NPLOC4: variants seen among roughly 807,000 people sequenced by gnomAD.
NPLOC4 encodes nuclear protein localization protein 4 homolog.
In NPLOC4, 18 loss-of-function variants were observed where a neutral mutation model predicts 80.6. That is an observed-to-expected ratio of 0.22 (90% CI 0.15 to 0.33). The LOEUF is 0.33. NPLOC4 is among the 10% of genes least tolerant of loss of function. The pLI, the probability that NPLOC4 is intolerant of heterozygous loss-of-function variation, is 1.00. For missense variants in NPLOC4, 540 were observed against 786.1 expected (o/e 0.69, Z 3.74); for synonymous variants, 313 against 301.5 (o/e 1.04, Z -0.39).
In NPLOC4 at chr17:81,572,881, A is replaced by C. The variant is rs994387221; in HGVS notation, c.1282-793T>G. Among the ~76,000 whole-genome samples the C allele has an allele frequency of 3.3e-5, 5 of 152,246 alleles. No homozygotes were observed. Among genetic ancestry groups the C allele is most frequent in the African/African-American group, 4.8e-5 (2 of 41,460 alleles). ...CGAGTACTTGGACATTAATAAAATA[A>C]AGGCATGCACAAATGAGCGCACACA... On this transcript the variant is annotated intron_variant, in intron 12 of 16. Transcript: ENST00000331134. This position sits in a 1 kb window ranked among gnomAD's most constrained non-coding sequence, Gnocchi z 4.5.
chr17:81,587,250 G>A (rs925333490), intron 12 of NPLOC4, among the ~76,000 whole-genome samples: 2 of 152,200 alleles, frequency 1.3e-5, no homozygotes, highest in Non-Finnish European at 2.9e-5. Flanking sequence ...GAGGCGGGAG[G>A]ACTGCTCGAG....
In NPLOC4 at chr17:81,557,203, AGAG is replaced by A. The variant is rs2033667759; in HGVS notation, c.*2053_*2055del. On this transcript the variant is annotated 3_prime_UTR_variant, in exon 17 of 17. Transcript: ENST00000331134. Reference sequence around the variant, plus strand: ...GTGGGGCTGAGACCTCCTTCCCACAAGAGGAGGTGGCTGAGCCTCCCAGGGCCT... The same window carrying A: ...GTGGGGCTGAGACCTCCTTCCCACAAGAGGTGGCTGAGCCTCCCAGGGCCT... 1.3e-5 allele frequency: 2 copies of A among 152,376 alleles called. No homozygotes were observed. Among genetic ancestry groups the A allele is most frequent in the African/African-American group, 4.8e-5 (2 of 41,450 alleles). 9.4% of individuals were successfully genotyped at this position (152,376 alleles called of 1,614,324 possible). A position where few individuals can be genotyped will look rare whatever the true frequency, so the allele number is the denominator to read the frequency against.
At chr17:81,627,156 C>T (rs758151342) in intron 2 of NPLOC4, among the ~76,000 whole-genome samples, 14 of 151,318 alleles carry the variant, frequency 9.3e-5, no homozygotes, top group African/African-American at 2.4e-4. Flanking sequence ...ATTGGGAGGC[C>T]GAGGCAGGCG....
At chr17:81,601,966 T>C (rs978931310) in intron 8 of NPLOC4, among the ~76,000 whole-genome samples, 4 of 151,846 alleles carry the variant, frequency 2.6e-5, no homozygotes, top group African/African-American at 7.3e-5. Flanking sequence ...GTTATCTAAA[T>C]AGGAGGCTAG....
chr17:81,607,005 C>G (rs933368363), intron 6 of NPLOC4, among the ~76,000 whole-genome samples, 191 bp from the exon 7 acceptor site: 1 of 152,096 alleles, frequency 6.6e-6, no homozygotes, highest in Non-Finnish European at 1.5e-5. Flanking sequence ...ATTCCGAATC[C>G]CAGCTTCTGT....
At chr17:81,570,376 G>T (rs1401164601) in intron 13 of NPLOC4, among the ~76,000 whole-genome samples, 1 of 152,212 alleles carries the variant, frequency 6.6e-6, no homozygotes, top group Non-Finnish European at 1.5e-5. Context: ...GCTGAAGACA[G>T]GGGAGGTGCT....
chr17:81,619,787 G>A (rs1179604352), intron 3 of NPLOC4, among the ~76,000 whole-genome samples: 1 of 151,078 alleles, frequency 6.6e-6, no homozygotes, highest in Non-Finnish European at 1.5e-5. Context: ...GCTGAGGCAG[G>A]AGAATCGCTT....
intron 1 of NPLOC4, among the ~76,000 whole-genome samples, chr17:81,631,181 TA>T: frequency 6.6e-6 from 1 of 151,582 alleles, no homozygotes; most frequent in East Asian, 1.9e-4. Context: ...AGTAAAAATT[TA>T]AACTTAAAAA....
intron 12 of NPLOC4, among the ~76,000 whole-genome samples, chr17:81,587,813 T>TCC (rs958145257): frequency 6.7e-6 from 1 of 148,768 alleles, no homozygotes; most frequent in Non-Finnish European, 1.5e-5. Context: ...GGACTACAGG[T>TCC]GCCTGCTACC....
At chr17:81,624,669 G>C (rs1374320066) in intron 2 of NPLOC4, among the ~76,000 whole-genome samples, 1 of 152,164 alleles carries the variant, frequency 6.6e-6, no homozygotes, top group Non-Finnish European at 1.5e-5. Flanking sequence ...GGGAGACAAA[G>C]TCAACAAAGG....
chr17:81,604,492 G>T, intron 8 of NPLOC4, 56 bp downstream of exon 8: 1 of 1,535,160 alleles, frequency 6.5e-7, no homozygotes, highest in Non-Finnish European at 8.9e-7. Flanking sequence ...CCGAAAGGGC[G>T]TCCCCCACAG....
intron 8 of NPLOC4, among the ~76,000 whole-genome samples, chr17:81,601,859 T>C (rs1357089970): frequency 6.6e-6 from 1 of 152,144 alleles, no homozygotes; most frequent in Non-Finnish European, 1.5e-5. Flanking sequence ...AGCAAGCCTG[T>C]ACACCAGCTG....
rs1349814813 is a variant in NPLOC4 at position 81,577,883 on chromosome 17, T to C, written c.1282-5795A>G. ...ACAGGGAACTGACATGTGGCCTGGATTGCCAACACCACCAGCTTCTCACTG... is the reference window on the plus strand; with the variant it reads ...ACAGGGAACTGACATGTGGCCTGGACTGCCAACACCACCAGCTTCTCACTG... On this transcript the variant is annotated intron_variant, in intron 12 of 16. Transcript: ENST00000331134. This position sits in a 1 kb window ranked among gnomAD's most constrained non-coding sequence, Gnocchi z 4.3. Among the ~76,000 whole-genome samples, 1 of 152,188 alleles carries C rather than the reference T, an allele frequency of 6.6e-6. No homozygotes were observed. Among genetic ancestry groups the C allele is most frequent in the Non-Finnish European group, 1.5e-5 (1 of 68,020 alleles).
In NPLOC4 at chr17:81,572,192, A is replaced by G; in HGVS notation, c.1282-104T>C. The G allele has an allele frequency of 1.9e-6, 1 of 535,176 alleles. No individual in the cohort carries two copies. 33.2% of individuals were successfully genotyped at this position (535,176 alleles called of 1,614,324 possible). ...TTTTATTTAATTAATTAATTTATTT[A>G]TTTATTTATTTTTTGAGACAGAGTC... On this transcript the variant is annotated intron_variant, in intron 12 of 16. Transcript: ENST00000331134. The surrounding 1 kb of genome is among the most constrained non-coding windows in gnomAD (Gnocchi z 4.5).
chr17:81,633,930 G>A (rs374070908), intron 1 of NPLOC4, among the ~76,000 whole-genome samples: 1 of 150,870 alleles, frequency 6.6e-6, no homozygotes, highest in Non-Finnish European at 1.5e-5. Flanking sequence ...GCAGTGGTGC[G>A]ATCTCGGCTC....
intron 13 of NPLOC4, 111 bp downstream of exon 13, chr17:81,571,906 G>C (rs2034170520): frequency 1.5e-6 from 1 of 656,102 alleles, no homozygotes; most frequent in South Asian, 3.1e-5. Flanking sequence ...GCTCAAGGCA[G>C]AGGGTGCCTT....
Position 81,569,034 on chromosome 17 carries a change from A to T in NPLOC4, c.1431T>A (p.Asp477Glu), listed in dbSNP as rs1423451829. ...SQNPFPIENR[D>E]VLGETQDFHS... ...AGCTCACCTGTGTCTCACCCAATAC[A>T]TCCCGGTTTTCAATAGGAAATGGAT... Residue 477 changes from aspartate to glutamate, a missense_variant, in exon 14 of 17, where the codon GAT becomes GAA. By Grantham distance (45) the Asp-to-Glu change is conservative. Coordinates refer to ENST00000331134, the MANE Select transcript of NPLOC4 (RefSeq NM_017921.4). The T allele has an allele frequency of 5.0e-6, 8 of 1,609,192 alleles. No homozygotes were observed. The highest frequency in any genetic ancestry group is 6.0e-6 in the Non-Finnish European group (7 of 1,175,490).
intron 1 of NPLOC4, among the ~76,000 whole-genome samples, chr17:81,633,008 T>C (rs763707657): frequency 2.6e-5 from 4 of 151,402 alleles, no homozygotes; most frequent in African/African-American, 9.7e-5. Context: ...AGGGCGCCTG[T>C]AGTCCCAGCT....
chr17:81,585,157 G>A (rs982438001), intron 12 of NPLOC4, among the ~76,000 whole-genome samples: 1 of 97,108 alleles, frequency 1.0e-5, no homozygotes, highest in African/African-American at 4.4e-5. Flanking sequence ...GCGACAGAAC[G>A]AGACTCTGTC....
Sources: gnomAD v4.1 joint callset for allele counts (sites outside exome capture counted in the v4.1 genomes callset) on GRCh38, gnomAD v4.1.1 for gene constraint, Gnocchi (gnomAD v3.1) non-coding constraint, MANE v1.5 for transcripts, NCBI Gene and HGNC (gene_info 2026-07-23, HGNC 2026-07-21) for gene names.